Variants in ABCC6 observed in about 807,000 individuals in gnomAD.
ABCC6 encodes the protein ATP binding cassette subfamily C member 6, also known as ATP-binding cassette sub-family C member 6.
In ABCC6, 126 loss-of-function variants were observed where a neutral mutation model predicts 169.5. That is an observed-to-expected ratio of 0.74 (90% CI 0.64 to 0.86). The LOEUF is 0.86. ABCC6 is among the 40% of genes least tolerant of loss of function. ABCC6 has a pLI of 0.00. For synonymous variants in ABCC6, 752 were observed against 814.7 expected (o/e 0.92, Z 1.31); for missense variants, 1,733 against 1,927.2 (o/e 0.90, Z 1.89).
Position 16,188,743 on chromosome 16 carries a change from C to T in ABCC6, c.1779+88G>A, listed in dbSNP as rs2047737515. The T allele has an allele frequency of 3.3e-6, 5 of 1,512,736 alleles. No homozygotes were observed. In the East Asian group the frequency reaches 1.2e-4, roughly 37 times the overall value. 93.7% of individuals were successfully genotyped at this position (1,512,736 alleles called of 1,614,324 possible). Reference sequence around the variant, plus strand: ...TCCCTCCCACTCTGTCTTCCCTCTCCTCTGCAAATGGCAGGGGTAGGGAAG... The same window carrying T: ...TCCCTCCCACTCTGTCTTCCCTCTCTTCTGCAAATGGCAGGGGTAGGGAAG... On this transcript the variant is annotated intron_variant, in intron 13 of 30. Coordinates refer to ENST00000205557, the MANE Select transcript of ABCC6 (RefSeq NM_001171.6).
In ABCC6 at chr16:16,162,924, T is replaced by G. The variant is rs1002867234; in HGVS notation, c.3506+69A>C. On this transcript the variant is annotated intron_variant, in intron 24 of 30. Coordinates refer to ENST00000205557, the MANE Select transcript of ABCC6 (RefSeq NM_001171.6). ...TGGGTGACCTCTCTACCATACAATA[T>G]GACCTCAGGTCTCACCCTCTAAGGA... 5.7e-5 allele frequency: 91 copies of G among 1,597,272 alleles called. No individual in the cohort carries two copies. The African/African-American group carries it at 1.1e-3, about 20-fold the overall frequency.
At chr16:16,190,726 G>A (rs2047822175) in intron 11 of ABCC6, among the ~76,000 whole-genome samples, 1 of 150,934 alleles carries the variant, frequency 6.6e-6, no homozygotes, top group Non-Finnish European at 1.5e-5. Context: ...TGGAGTTGGG[G>A]TCTCACTATG....
intron 7 of ABCC6, among the ~76,000 whole-genome samples, chr16:16,207,777 T>G (rs1488164207): frequency 6.6e-6 from 1 of 151,696 alleles, no homozygotes; most frequent in East Asian, 1.9e-4. Flanking sequence ...GCAGGCTCAT[T>G]TATCTAGACC....
chr16:16,175,774 C>T (rs1285644363), intron 20 of ABCC6, 137 bp downstream of exon 20: 2 of 887,486 alleles, frequency 2.3e-6, no homozygotes, highest in Admixed American at 5.5e-5. Context: ...AGCAGGGCAC[C>T]ATGGGGGGGA....
At chr16:16,171,373 T>C (rs2047060324) in intron 21 of ABCC6, among the ~76,000 whole-genome samples, 1 of 152,222 alleles carries the variant, frequency 6.6e-6, no homozygotes, top group African/African-American at 2.4e-5. Flanking sequence ...CATGAGCCAC[T>C]GCGCCTGATC....
intron 8 of ABCC6, among the ~76,000 whole-genome samples, chr16:16,202,946 T>C (rs996925034): frequency 1.3e-5 from 2 of 152,100 alleles, no homozygotes; most frequent in African/African-American, 4.8e-5. Flanking sequence ...CTTAGAACCC[T>C]CCCAAGCACC....
chr16:16,220,741 C>CA (rs1301584070), intron 2 of ABCC6, among the ~76,000 whole-genome samples: 1 of 151,728 alleles, frequency 6.6e-6, no homozygotes, highest in African/African-American at 2.4e-5. Flanking sequence ...ACTAAAAATA[C>CA]AAAAAAATAG....
intron 17 of ABCC6, among the ~76,000 whole-genome samples, chr16:16,179,882 C>T (rs537696342): frequency 1.2e-4 from 19 of 152,282 alleles, no homozygotes; most frequent in Admixed American, 1.0e-3. Flanking sequence ...TGAGCCACTG[C>T]GCCCGGCCTA....
At chr16:16,183,049 G>A (rs2047533780) in intron 15 of ABCC6, 119 bp from the exon 16 acceptor site, 4 of 1,502,872 alleles carry the variant, frequency 2.7e-6, no homozygotes, top group Non-Finnish European at 3.7e-6. Flanking sequence ...GAGGACCTGT[G>A]GGGCTGTTCT....
At position 16,188,893 on chromosome 16, in the gene ABCC6, C is replaced by T; in HGVS notation, c.1717G>A (p.Val573Ile). ...TGGGCCTTGTTGAGGATGTTGAGAA[C>T]TGTGAGAGTCACAAAGGCTTTCTCT... ...NAEKAFVTLT[V>I]LNILNKAQAF... The change falls in exon 13 of 31, where the codon GTT becomes ATT. Residue 573 changes from valine (V) to isoleucine (I), a missense_variant. By Grantham distance (29) the Val-to-Ile change is conservative. Around this residue, in one of 5 missense-constraint regions of ABCC6, gnomAD observed 1,601 missense variants for 1,635.5 expected, o/e 0.98. Coordinates refer to ENST00000205557, the MANE Select transcript of ABCC6 (RefSeq NM_001171.6). 6.2e-7 allele frequency: 1 copy of T among 1,614,176 alleles called. No individual in the cohort carries two copies. Among genetic ancestry groups the T allele is most frequent in the Non-Finnish European group, 8.5e-7 (1 of 1,180,022 alleles).
intron 4 of ABCC6, among the ~76,000 whole-genome samples, chr16:16,215,217 A>T (rs565448948): frequency 1.5e-4 from 23 of 152,188 alleles, no homozygotes; most frequent in African/African-American, 5.3e-4. Flanking sequence ...ACACAGTCTC[A>T]TCAGCTGGAG....
In ABCC6 at chr16:16,161,534, C is replaced by T. The variant is rs1247512401; in HGVS notation, c.3537G>A (p.Gly1179=). ...TGGCAGCTGCAAACACCAGGCCATT[C>T]CCCAGGAGCTCCACATTGGCCGCAA... ...RWLAANVELL[G]NGLVFAAATC... The change falls in exon 25 of 31, where the codon GGG becomes GGA. Residue 1179 remains glycine (G), a synonymous_variant. Coordinates refer to ENST00000205557, the MANE Select transcript of ABCC6 (RefSeq NM_001171.6). 2 of 1,613,952 alleles carry T rather than the reference C, an allele frequency of 1.2e-6. No homozygotes were observed. Among genetic ancestry groups the T allele is most frequent in the Non-Finnish European group, 1.7e-6 (2 of 1,180,024 alleles).
At chr16:16,169,526 G>A (rs1295219241) in intron 22 of ABCC6, 120 bp downstream of exon 22, 1 of 1,194,172 alleles carries the variant, frequency 8.4e-7, no homozygotes, top group African/African-American at 1.5e-5. Flanking sequence ...CTGGACCCCA[G>A]ACGTTTTGCA....
intron 19 of ABCC6, 81 bp from the exon 20 acceptor site, chr16:16,176,067 C>T (rs1262223834): frequency 2.2e-6 from 3 of 1,364,994 alleles, no homozygotes; most frequent in Non-Finnish European, 3.1e-6. Context: ...GCCTTAACCG[C>T]TCTGACCATC....
At chr16:16,166,176 A>G (rs934563661) in intron 22 of ABCC6, among the ~76,000 whole-genome samples, 1 of 152,086 alleles carries the variant, frequency 6.6e-6, no homozygotes, top group Non-Finnish European at 1.5e-5. Context: ...TCACCCTCCG[A>G]GTAGCTGGGA....
At chr16:16,158,452 T>A (rs1196943685) in intron 26 of ABCC6, among the ~76,000 whole-genome samples, 1 of 149,804 alleles carries the variant, frequency 6.7e-6, no homozygotes, top group Non-Finnish European at 1.5e-5. Flanking sequence ...CATCCATCCA[T>A]CCATCTCCAA....
chr16:16,188,840 G>A lies in ABCC6; in HGVS notation c.1770C>T (p.Ser590=), dbSNP rs2047742056. The change falls in exon 13 of 31, where the codon TCC becomes TCT. Residue 590 remains serine, a synonymous_variant. Coordinates refer to ENST00000205557, the MANE Select transcript of ABCC6 (RefSeq NM_001171.6). The part of the protein sequence containing the change: ...AQAFLPFSIH[S]LVQARVSFDR... The stretch of plus-strand genomic sequence containing the variant: ...CTTGCACCCACCTCACCTGGACGAG[G>A]GAGTGGATGGAGAAGGGCAGGAAAG... The A allele has an allele frequency of 1.2e-6, 2 of 1,613,854 alleles. No individual in the cohort carries two copies. Among genetic ancestry groups the A allele is most frequent in the Non-Finnish European group, 1.7e-6 (2 of 1,179,938 alleles).
chr16:16,186,831 C>G (rs1596669244), intron 14 of ABCC6, among the ~76,000 whole-genome samples: 2 of 152,216 alleles, frequency 1.3e-5, no homozygotes, highest in East Asian at 3.9e-4. Context: ...TTCCACAAAA[C>G]CAGTCCCTGG....
chr16:16,175,533 G>A (rs2047251374), intron 20 of ABCC6, among the ~76,000 whole-genome samples: 1 of 152,128 alleles, frequency 6.6e-6, no homozygotes, highest in Non-Finnish European at 1.5e-5. Context: ...CCCAAGCCCT[G>A]TGCATAGCCA....
Sources: allele counts gnomAD v4.1 joint callset (sites outside exome capture counted in the v4.1 genomes callset), GRCh38; gene constraint gnomAD v4.1.1; regional missense constraint gnomAD v4.1.1; transcripts MANE v1.5; gene names NCBI Gene and HGNC (gene_info 2026-07-23, HGNC 2026-07-21).